ROBO1: variants seen among roughly 807,000 people sequenced by gnomAD.
ROBO1 encodes the protein roundabout homolog 1.
In ROBO1, 149 loss-of-function variants were observed where a neutral mutation model predicts 195.9. The observed-to-expected ratio is 0.76, with a 90% CI of 0.67 to 0.87. The LOEUF is 0.87. Ranked by LOEUF, ROBO1 falls within the 40% of genes least tolerant of loss-of-function variation. The pLI is 0.00. For missense variants in ROBO1, 1,933 were observed against 2,068.3 expected, an observed-to-expected ratio of 0.93 and a Z score of 1.27; for synonymous variants, 816 against 733.2, an observed-to-expected ratio of 1.11 and a Z score of -1.82.
chr3:79,640,132 T>C (rs1945613333), intron 1 of ROBO1, among the ~76,000 whole-genome samples: 1 of 152,176 alleles, frequency 6.6e-6, no homozygotes, highest in South Asian at 2.1e-4. Flanking sequence ...TGCCATTCTC[T>C]GTTGCACATT....
chr3:79,657,525 T>C (rs1946203447), intron 1 of ROBO1, among the ~76,000 whole-genome samples: 1 of 152,070 alleles, frequency 6.6e-6, no homozygotes, highest in Non-Finnish European at 1.5e-5. Context: ...AATAAAAGTT[T>C]CATTTACTAT....
At chr3:79,735,295 T>C (rs569208912) in intron 1 of ROBO1, among the ~76,000 whole-genome samples, 1 of 152,326 alleles carries the variant, frequency 6.6e-6, no homozygotes, top group Admixed American at 6.5e-5. Context: ...GGAATTCTTT[T>C]ACGAATTTCA....
intron 4 of ROBO1, among the ~76,000 whole-genome samples, chr3:78,809,725 C>A (rs2108619806): frequency 6.6e-6 from 1 of 152,266 alleles, no homozygotes; most frequent in Admixed American, 6.5e-5. Context: ...TCATTCTCAG[C>A]AAACTAACAC....
At chr3:79,158,521 C>T (rs1200863774) in intron 2 of ROBO1, among the ~76,000 whole-genome samples, 10 of 151,396 alleles carry the variant, frequency 6.6e-5, no homozygotes, top group Admixed American at 5.9e-4. Flanking sequence ...ATTCCCTACT[C>T]CAAGTTGTTA....
At chr3:79,530,507 C>G (rs923688450) in intron 2 of ROBO1, among the ~76,000 whole-genome samples, 2 of 152,072 alleles carry the variant, frequency 1.3e-5, no homozygotes, top group African/African-American at 4.8e-5. Flanking sequence ...CAGGTAGATT[C>G]CTTTAAGTCA....
intron 3 of ROBO1, among the ~76,000 whole-genome samples, chr3:79,091,517 G>T (rs535356815): frequency 6.6e-6 from 1 of 151,956 alleles, no homozygotes; most frequent in Non-Finnish European, 1.5e-5. Context: ...TATTCTAGGT[G>T]TGGGAAATAG....
chr3:78,742,852 G>A lies in ROBO1; in HGVS notation c.657+3891C>T, dbSNP rs147212834. Reference sequence around the variant, plus strand: ...ACATTGACTAGAAGCTACTGATGGCGTGGGGGAACTGGTGCTCTTTAATTA... The same window carrying A: ...ACATTGACTAGAAGCTACTGATGGCATGGGGGAACTGGTGCTCTTTAATTA... On this transcript the variant is annotated intron_variant, in intron 5 of 30. Transcript: ENST00000464233. Among the ~76,000 whole-genome samples, 800 of 152,256 alleles carry A rather than the reference G, an allele frequency of 5.3e-3. 8 individuals are homozygous for A. Among genetic ancestry groups the A allele is most frequent in the South Asian group, 0.039 (186 of 4,830 alleles).
At chr3:79,685,351 A>C (rs1947071271) in intron 1 of ROBO1, among the ~76,000 whole-genome samples, 1 of 152,162 alleles carries the variant, frequency 6.6e-6, no homozygotes, top group African/African-American at 2.4e-5. Flanking sequence ...TCTGAAGATG[A>C]GCATGGCCTT....
In ROBO1 at chr3:79,761,495, G is replaced by T. The variant is rs1332280960; in HGVS notation, c.-51+6257C>A. 2.6e-5 allele frequency among the ~76,000 whole-genome samples: 4 copies of T among 152,118 alleles called. No individual in the cohort carries two copies. The South Asian group carries it at 8.3e-4, about 32-fold the overall frequency. On this transcript the variant is annotated intron_variant, in intron 1 of 30. Transcript: ENST00000464233. Reference sequence around the variant, plus strand: ...AATCTTTTATTACTTAACCTGGGTGGTAATTCAAGGGAACTTGTTTCACTC... The same window carrying T: ...AATCTTTTATTACTTAACCTGGGTGTTAATTCAAGGGAACTTGTTTCACTC...
intron 2 of ROBO1, among the ~76,000 whole-genome samples, chr3:79,439,797 T>C (rs2038996133): frequency 6.6e-6 from 1 of 152,116 alleles, no homozygotes; most frequent in Non-Finnish European, 1.5e-5. Context: ...ACCCTGTTTT[T>C]ATGTTCATTC....
intron 2 of ROBO1, among the ~76,000 whole-genome samples, chr3:79,199,231 C>T (rs919081030): frequency 2.0e-5 from 3 of 151,442 alleles, no homozygotes; most frequent in African/African-American, 7.3e-5. Context: ...TTGTATTCCA[C>T]TCACTGGTTA....
chr3:78,946,446 A>C (rs2107738797), intron 3 of ROBO1, among the ~76,000 whole-genome samples: 1 of 152,294 alleles, frequency 6.6e-6, no homozygotes, highest in African/African-American at 2.4e-5. Context: ...AAGGAGTAAT[A>C]AAATACTTTA....
At chr3:78,819,975 T>G (rs2030700580) in intron 4 of ROBO1, among the ~76,000 whole-genome samples, 1 of 152,222 alleles carries the variant, frequency 6.6e-6, no homozygotes, top group South Asian at 2.1e-4. Flanking sequence ...CTTTTAAAAC[T>G]TTTTGATTCA....
intron 2 of ROBO1, among the ~76,000 whole-genome samples, chr3:79,302,788 C>A (rs2033024977): frequency 1.3e-5 from 2 of 151,572 alleles, no homozygotes; most frequent in South Asian, 4.2e-4. Context: ...GTCATTATTG[C>A]CTAAATTGAC....
At chr3:79,469,855 A>T (rs1247192992) in intron 2 of ROBO1, among the ~76,000 whole-genome samples, 1 of 152,180 alleles carries the variant, frequency 6.6e-6, no homozygotes, top group African/African-American at 2.4e-5. Flanking sequence ...TTAAAAAAAA[A>T]GTGTCAGTAC....
chr3:79,081,308 A>G lies in ROBO1; in HGVS notation c.172+44148T>C, dbSNP rs527773836. 1.1e-4 allele frequency among the ~76,000 whole-genome samples: 16 copies of G among 152,060 alleles called. 1 individual carries two copies. Among genetic ancestry groups the G allele is most frequent in the South Asian group, 2.1e-4 (1 of 4,818 alleles). The stretch of plus-strand genomic sequence containing the variant: ...ATTAATACGATAGGTCAATCATTTG[A>G]TGGGCATCATGACTTTAAAAAAAAT... On this transcript the variant is annotated intron_variant, in intron 3 of 30. Coordinates refer to ENST00000464233, the MANE Select transcript of ROBO1 (RefSeq NM_002941.4).
intron 4 of ROBO1, among the ~76,000 whole-genome samples, chr3:78,794,993 T>G (rs939936439): frequency 6.6e-6 from 1 of 152,220 alleles, no homozygotes; most frequent in Non-Finnish European, 1.5e-5. Flanking sequence ...AGCCTAGTAC[T>G]TGTAATTACA....
intron 10 of ROBO1, among the ~76,000 whole-genome samples, chr3:78,681,517 G>T: frequency 6.6e-6 from 1 of 152,136 alleles, no homozygotes; most frequent in Non-Finnish European, 1.5e-5. Flanking sequence ...ATACTGCAGG[G>T]GTTGGAGTAT....
At chr3:79,497,444 GTCT>G (rs796087460) in intron 2 of ROBO1, among the ~76,000 whole-genome samples, 12 of 151,718 alleles carry the variant, frequency 7.9e-5, no homozygotes, top group African/African-American at 2.7e-4. Flanking sequence ...TTTGTGTTTT[GTCT>G]TCTTGTAATT....
Sources: allele counts gnomAD v4.1 joint callset (sites outside exome capture counted in the v4.1 genomes callset), GRCh38; gene constraint gnomAD v4.1.1; transcripts MANE v1.5; gene names NCBI Gene and HGNC (gene_info 2026-07-23, HGNC 2026-07-21).